Variants in CYFIP2 observed in about 807,000 individuals in gnomAD.
CYFIP2 encodes the protein cytoplasmic FMR1 interacting protein 2, also known as cytoplasmic FMR1-interacting protein 2.
A neutral mutation model predicts 158.7 loss-of-function variants in CYFIP2; 29 were observed. The observed-to-expected ratio is 0.18, with a 90% confidence interval of 0.14 to 0.25. The LOEUF is 0.25. CYFIP2 is among the 10% of genes least tolerant of loss of function. The pLI, the probability that CYFIP2 is intolerant of heterozygous loss-of-function variation, is 1.00. For missense variants in CYFIP2, 852 were observed against 1,639.5 expected (o/e 0.52, Z 8.29); for synonymous variants, 585 against 617.6 (o/e 0.95, Z 0.78).
chr5:157,353,560 A>G (rs890018706), intron 23 of CYFIP2, among the ~76,000 whole-genome samples: 4 of 152,182 alleles, frequency 2.6e-5, no homozygotes, highest in Non-Finnish European at 5.9e-5. Flanking sequence ...AGTTTTACCC[A>G]AGCGTTTACA....
intron 21 of CYFIP2, among the ~76,000 whole-genome samples, chr5:157,334,571 A>G (rs1262294921): frequency 2.0e-5 from 3 of 152,224 alleles, no homozygotes; most frequent in South Asian, 2.1e-4. Flanking sequence ...ACCAAGTATC[A>G]AAGTTAATAT....
chr5:157,354,578 G>C (rs1469688368), intron 23 of CYFIP2, among the ~76,000 whole-genome samples: 1 of 151,668 alleles, frequency 6.6e-6, no homozygotes, highest in Non-Finnish European at 1.5e-5. Context: ...GGAATGAGGG[G>C]TCGGGGGGGA....
At chr5:157,387,476 GATTA>G (rs752280374) in intron 28 of CYFIP2, among the ~76,000 whole-genome samples, 14 of 152,192 alleles carry the variant, frequency 9.2e-5, no homozygotes, top group Admixed American at 2.6e-4. Context: ...ATGCACAGTA[GATTA>G]ATTAGTAAAC....
At chr5:157,336,660 A>G (rs1239947815) in intron 21 of CYFIP2, among the ~76,000 whole-genome samples, 1 of 151,356 alleles carries the variant, frequency 6.6e-6, no homozygotes, top group Admixed American at 6.6e-5. Flanking sequence ...TTCTCCCACT[A>G]CTCTGAAGTT....
intron 13 of CYFIP2, among the ~76,000 whole-genome samples, chr5:157,315,774 T>G (rs1256241303): frequency 6.6e-6 from 1 of 152,228 alleles, no homozygotes; most frequent in Non-Finnish European, 1.5e-5. Flanking sequence ...AAGATTCAGC[T>G]ATATCATTGC....
At position 157,361,816 on chromosome 5, in the gene CYFIP2, A is replaced by G. The variant is rs1401858178; in HGVS notation, c.3039+218A>G. ...TCTCAGTTTGCCATTCCCTCATGTTATGGAACCAAACTGGGGTCCACCTGC... is the reference window on the plus strand; with the variant it reads ...TCTCAGTTTGCCATTCCCTCATGTTGTGGAACCAAACTGGGGTCCACCTGC... On this transcript the variant is annotated intron_variant, in intron 26 of 30. Coordinates refer to ENST00000620254, the MANE Select transcript of CYFIP2 (RefSeq NM_001037333.3). This position sits in a 1 kb window ranked among gnomAD's most constrained non-coding sequence, Gnocchi z 4.4. Among the ~76,000 whole-genome samples the G allele has an allele frequency of 1.3e-5, 2 of 152,150 alleles. No homozygotes were observed. Among genetic ancestry groups the G allele is most frequent in the Admixed American group, 6.5e-5 (1 of 15,282 alleles).
At chr5:157,342,907 C>T (rs200165888) in intron 23 of CYFIP2, 23 of 1,614,000 alleles carry the variant, frequency 1.4e-5, no homozygotes, top group African/African-American at 4.0e-5. Context: ...CACCACCCCC[C>T]CTCTGTAAGG....
intron 23 of CYFIP2, among the ~76,000 whole-genome samples, chr5:157,347,070 A>G (rs1762750410): frequency 6.6e-6 from 1 of 152,202 alleles, no homozygotes; most frequent in African/African-American, 2.4e-5. Flanking sequence ...TATACACATT[A>G]TATGTTTTTA....
chr5:157,324,457 C>G (rs146854107), intron 16 of CYFIP2, among the ~76,000 whole-genome samples: 367 of 152,334 alleles, frequency 2.4e-3, no homozygotes, highest in African/African-American at 8.4e-3. Context: ...CGAGCTGCAT[C>G]CCAGTCCTGT....
At chr5:157,292,429 G>A (rs1005770765) in intron 3 of CYFIP2, among the ~76,000 whole-genome samples, 2 of 152,076 alleles carry the variant, frequency 1.3e-5, no homozygotes, top group Non-Finnish European at 2.9e-5. Context: ...ATGTTCATCA[G>A]GCTGGCCTCG....
intron 23 of CYFIP2, among the ~76,000 whole-genome samples, chr5:157,349,327 T>C (rs1021094561): frequency 6.6e-6 from 1 of 152,198 alleles, no homozygotes; most frequent in African/African-American, 2.4e-5. Context: ...AATGCCTTTC[T>C]GTCCTCATAG....
intron 28 of CYFIP2, among the ~76,000 whole-genome samples, chr5:157,385,504 T>C (rs1386178579): frequency 6.6e-6 from 1 of 152,208 alleles, no homozygotes; most frequent in Non-Finnish European, 1.5e-5. Context: ...TGAGCAGTAT[T>C]GCATTCTTTG....
intron 23 of CYFIP2, 141 bp downstream of exon 23, chr5:157,341,298 C>T (rs1762231308): frequency 1.3e-6 from 1 of 742,798 alleles, no homozygotes; most frequent in Admixed American, 2.4e-5. Context: ...TACCTTTAAT[C>T]CCAGCACTTC....
rs141653761 is a variant in CYFIP2 at position 157,283,061 on chromosome 5, C to A, written c.-23-2278C>A. On this transcript the variant is annotated intron_variant, in intron 1 of 30. Coordinates refer to ENST00000620254, the MANE Select transcript of CYFIP2 (RefSeq NM_001037333.3). ...TGTAATCTCAAAATGTGAGCATGAG[C>A]CCTTGGAAGGAAGTATGTAGTAAGG... Among the ~76,000 whole-genome samples, 81 of 152,212 alleles carry A rather than the reference C, an allele frequency of 5.3e-4. No individual in the cohort carries two copies. The East Asian group carries it at 0.014, about 27-fold the overall frequency.
rs754215558 is a variant in CYFIP2 at position 157,389,410 on chromosome 5, C to T, written c.3429C>T (p.Thr1143=). 1 of 1,598,892 alleles carries T rather than the reference C, an allele frequency of 6.3e-7. No homozygotes were observed. Among genetic ancestry groups the T allele is most frequent in the South Asian group, 1.1e-5 (1 of 89,924 alleles). ...MQFVYCIPVG[T]NEFTAEQCFG... ...TCGTGTACTGCATCCCTGTGGGAAC[C>T]AACGAGTTCACAGCTGAGTGAGTAC... The change falls in exon 29 of 31, where the codon ACC becomes ACT. Residue 1143 remains threonine, a synonymous_variant. Coordinates refer to ENST00000620254, the MANE Select transcript of CYFIP2 (RefSeq NM_001037333.3).
intron 14 of CYFIP2, 95 bp from the exon 15 acceptor site, chr5:157,320,560 T>A (rs1440370491): frequency 1.3e-6 from 2 of 1,494,016 alleles, no homozygotes; most frequent in Non-Finnish European, 9.1e-7. Flanking sequence ...CAAATGTGGG[T>A]GTTCCTGGGA....
chr5:157,328,036 G>A lies in CYFIP2; in HGVS notation c.2143G>A (p.Ala715Thr). The A allele has an allele frequency of 2.5e-6, 4 of 1,613,860 alleles. No individual in the cohort carries two copies. Among genetic ancestry groups the A allele is most frequent in the Non-Finnish European group, 3.4e-6 (4 of 1,179,818 alleles). Residue 715 changes from alanine (A) to threonine (T), a missense_variant, in exon 19 of 31, where the codon GCC (alanine) becomes ACC (threonine). By Grantham distance (58) the Ala-to-Thr change is moderately conservative. Around this residue, in one of 8 missense-constraint regions of CYFIP2, gnomAD observed 191 missense variants for 311.2 expected, o/e 0.61. Coordinates refer to ENST00000620254, the MANE Select transcript of CYFIP2 (RefSeq NM_001037333.3). ...LADQIFAYYKAMAGSVLLDKR... is the reference protein window; with the variant it reads ...LADQIFAYYKTMAGSVLLDKR... Reference sequence around the variant, plus strand: ...AGACCAGATCTTTGCTTACTACAAAGCCATGGCTGGCAGGTAGGAAAGCCC... The same window carrying A: ...AGACCAGATCTTTGCTTACTACAAAACCATGGCTGGCAGGTAGGAAAGCCC...
At chr5:157,286,170 C>T (rs915686738) in intron 2 of CYFIP2, among the ~76,000 whole-genome samples, 1 of 151,894 alleles carries the variant, frequency 6.6e-6, no homozygotes, top group Non-Finnish European at 1.5e-5. Context: ...CTTGAAGGTT[C>T]GGCCCATAAA....
At chr5:157,282,604 G>A (rs1757073482) in intron 1 of CYFIP2, among the ~76,000 whole-genome samples, 2 of 152,174 alleles carry the variant, frequency 1.3e-5, no homozygotes, top group Admixed American at 1.3e-4. Context: ...ATGCATCTTT[G>A]GGACAGATTC....
Sources: allele counts gnomAD v4.1 joint callset (sites outside exome capture counted in the v4.1 genomes callset), GRCh38; gene constraint gnomAD v4.1.1; regional missense constraint gnomAD v4.1.1; non-coding constraint Gnocchi (gnomAD v3.1); transcripts MANE v1.5; gene names NCBI Gene and HGNC (gene_info 2026-07-23, HGNC 2026-07-21).